Variants in EXD2 observed in about 807,000 individuals in gnomAD.
EXD2 encodes exonuclease 3'-5' domain-containing protein 2.
A neutral mutation model predicts 62.5 loss-of-function variants in EXD2; 40 were observed. That is an observed-to-expected ratio of 0.64 (90% confidence interval 0.50 to 0.83). The LOEUF (loss-of-function observed/expected upper bound fraction) is 0.83. Ranked by LOEUF, EXD2 falls within the 40% of genes least tolerant of loss-of-function variation. EXD2 has a pLI of 0.00. For synonymous variants in EXD2, 239 were observed against 291.9 expected (o/e 0.82, Z 1.85); for missense variants, 671 against 761.8 (o/e 0.88, Z 1.40).
At chr14:69,213,511 C>T (rs574287281) in intron 3 of EXD2, among the ~76,000 whole-genome samples, 1 of 142,708 alleles carries the variant, frequency 7.0e-6, no homozygotes, top group African/African-American at 2.6e-5. Context: ...ACTGGGACTA[C>T]AGGCATGTGC....
chr14:69,204,499 G>A (rs1011636543), intron 2 of EXD2, among the ~76,000 whole-genome samples: 7 of 152,164 alleles, frequency 4.6e-5, no homozygotes. Flanking sequence ...GGTCGAGGCT[G>A]CAGTGAGCCG....
In EXD2 at chr14:69,208,506, G is replaced by C. The variant is rs551232443; in HGVS notation, c.-47-918G>C. Among the ~76,000 whole-genome samples the C allele has an allele frequency of 2.6e-5, 4 of 152,082 alleles. No individual in the cohort carries two copies. In the South Asian group the frequency reaches 8.3e-4, roughly 32 times the overall value. On this transcript the variant is annotated intron_variant, in intron 2 of 9. Coordinates refer to ENST00000685843, the MANE Select transcript of EXD2 (RefSeq NM_001193360.2). ...ATTACAGGCATGAGCCACCGCGCCC[G>C]GCCCAGGCCACTTACTATTTACTGT... is the stretch of plus-strand genomic sequence containing the variant.
intron 3 of EXD2, among the ~76,000 whole-genome samples, chr14:69,212,030 A>T (rs966615559): frequency 6.6e-6 from 1 of 152,190 alleles, no homozygotes; most frequent in Non-Finnish European, 1.5e-5. Context: ...AAAGTCATTC[A>T]TGGCTTCCTT....
intron 7 of EXD2, 38 bp from the exon 8 acceptor site, chr14:69,236,369 A>G (rs2043786616): frequency 1.2e-6 from 2 of 1,613,572 alleles, no homozygotes; most frequent in African/African-American, 2.7e-5. Flanking sequence ...TGGTGGGGGC[A>G]GGGGGAGCAG....
chr14:69,243,933 T>C lies in EXD2; in HGVS notation c.*2833T>C, dbSNP rs767947357. 2.6e-5 allele frequency: 4 copies of C among 152,078 alleles called. No homozygotes were observed. The highest frequency in any genetic ancestry group is 5.9e-5 in the Non-Finnish European group (4 of 68,022). 9.4% of individuals were successfully genotyped at this position (152,078 alleles called of 1,614,324 possible). A position where few individuals can be genotyped will look rare whatever the true frequency, so the allele number is the denominator to read the frequency against. ...CAACCTTATTGCCTCATTTCCCCCT[T>C]GTAGTCAATGTTTTTTGGAAACACT... On this transcript the variant is annotated 3_prime_UTR_variant, in exon 10 of 10. Coordinates refer to ENST00000685843, the MANE Select transcript of EXD2 (RefSeq NM_001193360.2).
At chr14:69,235,167 T>C in intron 6 of EXD2, 136 bp downstream of exon 6, 1 of 707,536 alleles carries the variant, frequency 1.4e-6, no homozygotes. Flanking sequence ...TTGCTTTTTC[T>C]TTCCATCAGA....
In EXD2 at chr14:69,241,316, C is replaced by T. The variant is rs1250837661; in HGVS notation, c.*216C>T. The T allele has an allele frequency of 1.9e-6, 1 of 515,500 alleles. No individual in the cohort carries two copies. Among genetic ancestry groups the T allele is most frequent in the Non-Finnish European group, 3.4e-6 (1 of 292,170 alleles). 31.9% of individuals were successfully genotyped at this position (515,500 alleles called of 1,614,324 possible). A position where few individuals can be genotyped will look rare whatever the true frequency, so the allele number is the denominator to read the frequency against. On this transcript the variant is annotated 3_prime_UTR_variant, in exon 10 of 10. Transcript: ENST00000685843. ...TTTTAAACGGGCAGGGTCTTTTTTC[C>T]TCTCATTTTTGTGGACAAGAGAGGC...
chr14:69,192,370 G>A (rs1405940092), intron 1 of EXD2, among the ~76,000 whole-genome samples: 1 of 152,128 alleles, frequency 6.6e-6, no homozygotes, highest in Non-Finnish European at 1.5e-5. Context: ...TAGGAAGTGC[G>A]GGTTGGGGCG....
intron 1 of EXD2, among the ~76,000 whole-genome samples, chr14:69,200,145 G>T (rs2042344805): frequency 6.6e-6 from 1 of 152,116 alleles, no homozygotes; most frequent in African/African-American, 2.4e-5. Context: ...ATCTGTTGTT[G>T]ACCGAAACAT....
intron 3 of EXD2, among the ~76,000 whole-genome samples, chr14:69,227,717 C>T (rs2043409996): frequency 6.6e-6 from 1 of 152,032 alleles, no homozygotes; most frequent in African/African-American, 2.4e-5. Flanking sequence ...GCCTGTAACC[C>T]CAGCTACTCG....
intron 3 of EXD2, among the ~76,000 whole-genome samples, chr14:69,221,908 C>A (rs1333111068): frequency 3.2e-5 from 1 of 31,108 alleles, no homozygotes; most frequent in Admixed American, 6.1e-4. Flanking sequence ...CCTGTCTCTA[C>A]TAAAAAAAAA....
rs1033816749 is a variant in EXD2 at position 69,243,613 on chromosome 14, A to G, written c.*2513A>G. On this transcript the variant is annotated 3_prime_UTR_variant, in exon 10 of 10. Coordinates refer to ENST00000685843, the MANE Select transcript of EXD2 (RefSeq NM_001193360.2). ...CTTTTATTATCAATGATGATGTGAT[A>G]AAGTTTCTTGTATATATCTCTTTGG... 1.5e-4 allele frequency: 23 copies of G among 152,224 alleles called. No homozygotes were observed. Among genetic ancestry groups the G allele is most frequent in the African/African-American group, 5.1e-4 (21 of 41,460 alleles). 9.4% of individuals were successfully genotyped at this position (152,224 alleles called of 1,614,324 possible).
Position 69,237,556 on chromosome 14 carries a change from C to T in EXD2, c.1293-19C>T, listed in dbSNP as rs2043837963. The T allele has an allele frequency of 6.2e-7, 1 of 1,612,066 alleles. No individual in the cohort carries two copies. The highest frequency in any genetic ancestry group is 1.3e-5 in the African/African-American group (1 of 74,892). On this transcript the variant is annotated intron_variant, in intron 8 of 9. Coordinates refer to ENST00000685843, the MANE Select transcript of EXD2 (RefSeq NM_001193360.2). ...GTCATACACTTATGAGCGCTGCTTTCCGGCTGGGCTTGTTCCAGGAAGAAC... is the reference window on the plus strand; with the variant it reads ...GTCATACACTTATGAGCGCTGCTTTTCGGCTGGGCTTGTTCCAGGAAGAAC...
rs1364356061 is a variant in EXD2, at chr14:69,230,478, T to C, written c.597T>C (p.Asn199=). 3 of 1,593,504 alleles carry C rather than the reference T, an allele frequency of 1.9e-6. No individual in the cohort carries two copies. Among genetic ancestry groups the C allele is most frequent in the Non-Finnish European group, 2.6e-6 (3 of 1,170,354 alleles). Residue 199 remains asparagine, a synonymous_variant, in exon 5 of 10, where the codon AAT becomes AAC. Transcript: ENST00000685843. ...TTTTCTTTGTTTCTTTTAGAAACAATTTGCTCTGTAATGGGCTTAGCCTGA... is the reference window on the plus strand; with the variant it reads ...TTTTCTTTGTTTCTTTTAGAAACAACTTGCTCTGTAATGGGCTTAGCCTGA... ...LRYLAMRQRN[N]LLCNGLSLKS...
intron 3 of EXD2, among the ~76,000 whole-genome samples, chr14:69,216,354 A>G (rs551320450): frequency 2.0e-5 from 3 of 152,330 alleles, no homozygotes; most frequent in South Asian, 4.1e-4. Context: ...TTGCTTTAAA[A>G]TAACTCTGGA....
rs377140275 is a variant in EXD2 at position 69,220,076 on chromosome 14, G to A, written c.334-8740G>A. Among the ~76,000 whole-genome samples, 5 of 151,278 alleles carry A rather than the reference G, an allele frequency of 3.3e-5. No individual in the cohort carries two copies. The East Asian group carries it at 7.8e-4, about 23-fold the overall frequency. On this transcript the variant is annotated intron_variant, in intron 3 of 9. Transcript: ENST00000685843. ...ATTTAATCAAATGTTTTCTGCATTT[G>A]TTGAGATAATTATATATCTTCTCTC...
rs748064726 is a variant in EXD2 at position 69,230,457 on chromosome 14, CT to C, written c.591-12del. The C allele has an allele frequency of 5.2e-5, 82 of 1,573,428 alleles. No homozygotes were observed. The African/African-American group carries it at 1.0e-3, about 19-fold the overall frequency. On this transcript the variant is annotated splice_polypyrimidine_tract_variant and intron_variant, in intron 4 of 9. Transcript: ENST00000685843. ...TTGCCCGTTTTTGATGCATGGTTTTCTTTGTTTCTTTTAGAAACAATTTGCT... is the reference window on the plus strand; with the variant it reads ...TTGCCCGTTTTTGATGCATGGTTTTCTTGTTTCTTTTAGAAACAATTTGCT...
At chr14:69,220,288 T>TG (rs2043137482) in intron 3 of EXD2, among the ~76,000 whole-genome samples, 1 of 101,266 alleles carries the variant, frequency 9.9e-6, no homozygotes, top group Non-Finnish European at 1.9e-5. Flanking sequence ...TTTTTTTTTT[T>TG]GAGACAGAGT....
intron 2 of EXD2, among the ~76,000 whole-genome samples, chr14:69,205,218 T>A (rs1267165111): frequency 6.6e-6 from 1 of 152,208 alleles, no homozygotes; most frequent in Non-Finnish European, 1.5e-5. Flanking sequence ...CTTTCTGTTT[T>A]AAAATTTTTT....
Sources: gnomAD v4.1 joint callset for allele counts (sites outside exome capture counted in the v4.1 genomes callset) on GRCh38, gnomAD v4.1.1 for gene constraint, MANE v1.5 for transcripts, NCBI Gene and HGNC (gene_info 2026-07-23, HGNC 2026-07-21) for gene names.